The following TGFBR2 variants were observed in gnomAD, a reference collection of about 807,000 sequenced individuals.
TGFBR2 encodes transforming growth factor beta receptor 2, also known as TGF-beta receptor type-2.
TGFBR2 carries 18 observed loss-of-function variants against 49.0 expected under a neutral mutation model. That is an observed-to-expected ratio of 0.37 (90% confidence interval 0.25 to 0.54). The LOEUF (loss-of-function observed/expected upper bound fraction) is 0.54, where lower values mean the gene tolerates loss of function less well. Ranked by LOEUF, TGFBR2 falls within the 20% of genes least tolerant of loss-of-function variation. The pLI is 0.85. For synonymous variants in TGFBR2, 282 were observed against 275.9 expected (o/e 1.02, Z -0.22); for missense variants, 525 against 722.6 (o/e 0.73, Z 3.13).
At position 30,606,783 on chromosome 3, in the gene TGFBR2, G is replaced by T. The variant is rs1291914484; in HGVS notation, c.-101G>T. Reference sequence around the variant, plus strand: ...CACATCTGCGCTGCCGGCCCGGCGCGGGGTCCGGAGAGGGCGCGGCGCGGA... The same window carrying T: ...CACATCTGCGCTGCCGGCCCGGCGCTGGGTCCGGAGAGGGCGCGGCGCGGA... On this transcript the variant is annotated 5_prime_UTR_variant, in exon 1 of 7. Coordinates refer to ENST00000295754, the MANE Select transcript of TGFBR2 (RefSeq NM_003242.6). 2 of 858,810 alleles carry T rather than the reference G, an allele frequency of 2.3e-6. No individual in the cohort carries two copies. The highest frequency in any genetic ancestry group is 3.5e-5 in the African/African-American group (2 of 56,910). 53.2% of individuals were successfully genotyped at this position (858,810 alleles called of 1,614,324 possible).
chr3:30,684,514 C>T (rs1382058981), intron 5 of TGFBR2, among the ~76,000 whole-genome samples: 1 of 152,156 alleles, frequency 6.6e-6, no homozygotes, highest in African/African-American at 2.4e-5. Flanking sequence ...TAGAGTATGA[C>T]AGTTTAGGTC....
intron 3 of TGFBR2, 71 bp from the exon 4 acceptor site, chr3:30,671,567 T>G: frequency 6.7e-7 from 1 of 1,490,614 alleles, no homozygotes; most frequent in Non-Finnish European, 9.4e-7. Flanking sequence ...TGCTCAGGCA[T>G]GAACCCACTT....
chr3:30,625,107 A>G (rs542725227), intron 1 of TGFBR2, among the ~76,000 whole-genome samples: 9 of 152,342 alleles, frequency 5.9e-5, no homozygotes, highest in African/African-American at 1.9e-4. Context: ...TAATTTTTAC[A>G]TACTGATTCC....
At chr3:30,629,243 T>C (rs1225798917) in intron 1 of TGFBR2, among the ~76,000 whole-genome samples, 1 of 152,254 alleles carries the variant, frequency 6.6e-6, no homozygotes, top group African/African-American at 2.4e-5. Flanking sequence ...ATGATTTCAT[T>C]TAACTTTAGT....
intron 5 of TGFBR2, among the ~76,000 whole-genome samples, chr3:30,675,954 C>T (rs963641024): frequency 1.6e-4 from 24 of 152,276 alleles, no homozygotes; most frequent in African/African-American, 5.3e-4. Flanking sequence ...AATGTGCATG[C>T]CTCCTTAGTC....
intron 1 of TGFBR2, among the ~76,000 whole-genome samples, chr3:30,621,275 A>ATAC (rs1553625197): frequency 1.3e-5 from 1 of 75,916 alleles, no homozygotes; most frequent in Non-Finnish European, 2.6e-5. Context: ...GAATTTTAAT[A>ATAC]TTCTTTTTTT....
intron 6 of TGFBR2, 71 bp downstream of exon 6, chr3:30,688,582 G>T: frequency 1.3e-6 from 2 of 1,598,864 alleles, no homozygotes; most frequent in African/African-American, 1.3e-5. Context: ...GAGAATTCTG[G>T]AATATTGAGC....
intron 5 of TGFBR2, 134 bp downstream of exon 5, chr3:30,674,380 C>G: frequency 8.2e-7 from 1 of 1,224,642 alleles, no homozygotes; most frequent in Non-Finnish European, 1.2e-6. Flanking sequence ...ATACAACCAT[C>G]CCAGAACTAT....
At chr3:30,633,709 C>G (rs1698478308) in intron 1 of TGFBR2, among the ~76,000 whole-genome samples, 1 of 152,052 alleles carries the variant, frequency 6.6e-6, no homozygotes, top group Admixed American at 6.5e-5. Context: ...GTTTCCAAGT[C>G]TTTTTTATTT....
rs1233360887 is a variant in TGFBR2 at position 30,674,258 on chromosome 3, C to G, written c.1396+12C>G. On this transcript the variant is annotated intron_variant, in intron 5 of 6. Coordinates refer to ENST00000295754, the MANE Select transcript of TGFBR2 (RefSeq NM_003242.6). The stretch of plus-strand genomic sequence containing the variant: ...TAATGCAGTGGGAGGTAGGTGTGGA[C>G]CAGCATCATTGTGTAGTGGTAAACT... The G allele has an allele frequency of 6.2e-7, 1 of 1,613,942 alleles. No individual in the cohort carries two copies. Among genetic ancestry groups the G allele is most frequent in the Non-Finnish European group, 8.5e-7 (1 of 1,179,906 alleles).
intron 2 of TGFBR2, among the ~76,000 whole-genome samples, chr3:30,648,422 A>ACG (rs1423813131): frequency 1.3e-5 from 1 of 78,846 alleles, no homozygotes; most frequent in Admixed American, 1.2e-4. Context: ...AACAACCTAC[A>ACG]CACACACACA....
chr3:30,636,804 C>T (rs374437705), intron 1 of TGFBR2, among the ~76,000 whole-genome samples: 3 of 151,680 alleles, frequency 2.0e-5, no homozygotes, highest in African/African-American at 4.8e-5. Flanking sequence ...GTGGCTCAAG[C>T]CTGTAATCCC....
chr3:30,640,410 G>T (rs1272368803), intron 1 of TGFBR2, among the ~76,000 whole-genome samples: 1 of 152,086 alleles, frequency 6.6e-6, no homozygotes, highest in East Asian at 1.9e-4. Flanking sequence ...GGTACCCATG[G>T]GGGATTGGTT....
Position 30,644,746 on chromosome 3 carries a change from G to T in TGFBR2, c.95-1G>T. 6.2e-7 allele frequency: 1 copy of T among 1,614,006 alleles called. No individual in the cohort carries two copies. Among genetic ancestry groups the T allele is most frequent in the Non-Finnish European group, 8.5e-7 (1 of 1,179,934 alleles). Reference sequence around the variant, plus strand: ...TTTAATATATCTTTCTCTCTCCTCAGTTAATAACGACATGATAGTCACTGA... The same window carrying T: ...TTTAATATATCTTTCTCTCTCCTCATTTAATAACGACATGATAGTCACTGA... On this transcript the variant is annotated splice_acceptor_variant, in intron 1 of 6. Transcript: ENST00000295754. LOFTEE classifies it high-confidence loss of function.
chr3:30,627,823 A>C (rs574592270), intron 1 of TGFBR2, among the ~76,000 whole-genome samples: 1 of 148,186 alleles, frequency 6.7e-6, no homozygotes, highest in Non-Finnish European at 1.5e-5. Flanking sequence ...AGTTAACTTG[A>C]ATTTAAATAG....
intron 1 of TGFBR2, chr3:30,626,576 G>A (rs1698335692): frequency 6.6e-6 from 1 of 152,472 alleles, no homozygotes; most frequent in African/African-American, 2.4e-5. Context: ...TGGCTGCCTG[G>A]GGTGTGTGTC....
intron 1 of TGFBR2, among the ~76,000 whole-genome samples, chr3:30,619,500 C>T (rs1331028597): frequency 6.6e-6 from 1 of 152,100 alleles, no homozygotes; most frequent in Non-Finnish European, 1.5e-5. Flanking sequence ...AAGAGAGTGC[C>T]TTGTGCTGAT....
At chr3:30,628,945 T>A (rs1335355576) in intron 1 of TGFBR2, among the ~76,000 whole-genome samples, 1 of 152,174 alleles carries the variant, frequency 6.6e-6, no homozygotes, top group Non-Finnish European at 1.5e-5. Context: ...GACTCATTCC[T>A]TAAGAAGTTG....
At chr3:30,613,862 C>T (rs1301472131) in intron 1 of TGFBR2, among the ~76,000 whole-genome samples, 2 of 152,232 alleles carry the variant, frequency 1.3e-5, no homozygotes, top group African/African-American at 2.4e-5. Flanking sequence ...ACATGGGCCT[C>T]TATTTGCTCA....
Sources: allele counts gnomAD v4.1 joint callset (sites outside exome capture counted in the v4.1 genomes callset), GRCh38; gene constraint gnomAD v4.1.1; transcripts MANE v1.5; gene names NCBI Gene and HGNC (gene_info 2026-07-23, HGNC 2026-07-21).